Variants in ELF3 observed in about 807,000 individuals in gnomAD.
ELF3 encodes ETS-related transcription factor Elf-3.
ELF3 carries 18 observed loss-of-function variants against 43.9 expected under a neutral mutation model. The observed-to-expected ratio is 0.41, with a 90% CI of 0.28 to 0.61. The LOEUF is 0.61. Among genes scored for constraint, ELF3 ranks in the 20% least tolerant of loss-of-function variants. The pLI is 0.30. For synonymous variants in ELF3, 181 were observed against 190.2 expected, an observed-to-expected ratio of 0.95 and a Z score of 0.40; for missense variants, 373 against 487.7, an observed-to-expected ratio of 0.76 and a Z score of 2.21.
Position 202,012,441 on chromosome 1 carries a change from G to A in ELF3, c.478+5G>A. 6.2e-7 allele frequency: 1 copy of A among 1,613,566 alleles called. No individual in the cohort carries two copies. The highest frequency in any genetic ancestry group is 8.5e-7 in the Non-Finnish European group (1 of 1,179,746). On this transcript the variant is annotated splice_donor_5th_base_variant and intron_variant, in intron 4 of 8. Coordinates refer to ENST00000367284, the MANE Select transcript of ELF3 (RefSeq NM_004433.5). The surrounding 1 kb of genome is among the most constrained non-coding windows in gnomAD (Gnocchi z 4.2). ...CCCTAGACCCAGGGCCCTTTGGTGA[G>A]AACCCGTTTTCTCCTTCCTTCCCCA...
In ELF3 at chr1:202,013,647, C is replaced by G. The variant is rs113810465; in HGVS notation, c.806-182C>G. 3.6e-5 allele frequency: 25 copies of G among 699,490 alleles called. No homozygotes were observed. The highest frequency in any genetic ancestry group is 2.5e-4 in the African/African-American group (14 of 55,584). 43.3% of individuals were successfully genotyped at this position (699,490 alleles called of 1,614,324 possible). A position where few individuals can be genotyped will look rare whatever the true frequency, so the allele number is the denominator to read the frequency against. The stretch of plus-strand genomic sequence containing the variant: ...CAATGTGAGGAGGCAGCTGGTGGGT[C>G]TTAGGTGGGCTGAGGAGAAAAGCAG... On this transcript the variant is annotated intron_variant, in intron 7 of 8. Coordinates refer to ENST00000367284, the MANE Select transcript of ELF3 (RefSeq NM_004433.5). This position sits in a 1 kb window ranked among gnomAD's most constrained non-coding sequence, Gnocchi z 5.7.
rs1558274376 is a variant in ELF3 at position 202,013,713 on chromosome 1, G to A, written c.806-116G>A. On this transcript the variant is annotated intron_variant, in intron 7 of 8. Transcript: ENST00000367284. The surrounding 1 kb of genome is among the most constrained non-coding windows in gnomAD (Gnocchi z 5.7). Reference sequence around the variant, plus strand: ...CACAGAGGGCACTGCGGGGTCTCTGGAGAGGCTTGCTGCATGCTGTGGCCA... The same window carrying A: ...CACAGAGGGCACTGCGGGGTCTCTGAAGAGGCTTGCTGCATGCTGTGGCCA... 24 of 1,186,012 alleles carry A rather than the reference G, an allele frequency of 2.0e-5. No individual in the cohort carries two copies. In the South Asian group the frequency reaches 3.6e-4, roughly 18 times the overall value. The allele number at this position is 1,186,012 out of a possible 1,614,324, so 73.5% of individuals were successfully genotyped here.
rs1016490213 is a variant in ELF3 at position 202,012,722 on chromosome 1, A to G, written c.561A>G (p.Gly187=). The G allele has an allele frequency of 6.3e-6, 10 of 1,599,958 alleles. No homozygotes were observed. Among genetic ancestry groups the G allele is most frequent in the Non-Finnish European group, 8.5e-6 (10 of 1,173,496 alleles). ...SPYHPGSCGA[G]APSPGSSDVS... is the part of the protein sequence containing the mutation. Reference sequence around the variant, plus strand: ...ACCACCCCGGCAGCTGTGGCGCAGGAGCCCCCTCCCCTGGCAGCTCTGACG... The same window carrying G: ...ACCACCCCGGCAGCTGTGGCGCAGGGGCCCCCTCCCCTGGCAGCTCTGACG... The change falls in exon 5 of 9, where the codon GGA becomes GGG. Residue 187 remains glycine, a synonymous_variant. Transcript: ENST00000367284. This position sits in a 1 kb window ranked among gnomAD's most constrained non-coding sequence, Gnocchi z 4.2.
chr1:202,011,737 CGTG>C (rs1684201061), intron 2 of ELF3: 1 of 571,208 alleles, frequency 1.8e-6, no homozygotes, highest in South Asian at 2.3e-5. Context: ...TTTATCCCAG[CGTG>C]GTGGTGGGCA....
At position 202,015,428 on chromosome 1, in the gene ELF3, C is replaced by T. The variant is rs1684291643; in HGVS notation, c.*105C>T. 24 of 1,092,832 alleles carry T rather than the reference C, an allele frequency of 2.2e-5. No homozygotes were observed. The highest frequency in any genetic ancestry group is 3.1e-5 in the Non-Finnish European group (23 of 740,610). 67.7% of individuals were successfully genotyped at this position (1,092,832 alleles called of 1,614,324 possible). On this transcript the variant is annotated 3_prime_UTR_variant, in exon 9 of 9. Transcript: ENST00000367284. ...TGGCCCCTCCACTGGGGAATGCTCCCAGCTGTGCTGTGGAGAGAAGCTGAT... is the reference window on the plus strand; with the variant it reads ...TGGCCCCTCCACTGGGGAATGCTCCTAGCTGTGCTGTGGAGAGAAGCTGAT...
In ELF3 at chr1:202,012,813, C is replaced by T; in HGVS notation, c.598+54C>T. On this transcript the variant is annotated intron_variant, in intron 5 of 8. Coordinates refer to ENST00000367284, the MANE Select transcript of ELF3 (RefSeq NM_004433.5). This position sits in a 1 kb window ranked among gnomAD's most constrained non-coding sequence, Gnocchi z 4.2. ...CCTTCCCCGAAGTGTCCCTTGTTCC[C>T]TCTGGCTCCCAGCACCATAACTCAG... 1 of 1,537,288 alleles carries T rather than the reference C, an allele frequency of 6.5e-7. No homozygotes were observed. Among genetic ancestry groups the T allele is most frequent in the Admixed American group, 2.0e-5 (1 of 50,096 alleles).
rs765892835 is a variant in ELF3 at position 202,012,750 on chromosome 1, T to C, written c.589T>C (p.Ser197Pro). Reference sequence around the variant, plus strand: ...CCCCTCCCCTGGCAGCTCTGACGTCTCCACCGCAGGTGAGAGCTCTCTCTG... The same window carrying C: ...CCCCTCCCCTGGCAGCTCTGACGTCCCCACCGCAGGTGAGAGCTCTCTCTG... Reference protein sequence around the residue: ...GAPSPGSSDVSTAGTGASRSS... With the variant: ...GAPSPGSSDVPTAGTGASRSS... The change falls in exon 5 of 9, where the codon TCC becomes CCC. Residue 197 changes from serine to proline, a missense_variant. Around this residue, in one of 3 missense-constraint regions of ELF3, gnomAD observed 311 missense variants for 351.2 expected, o/e 0.89. Coordinates refer to ENST00000367284, the MANE Select transcript of ELF3 (RefSeq NM_004433.5). This position sits in a 1 kb window ranked among gnomAD's most constrained non-coding sequence, Gnocchi z 4.2. 9 of 1,568,304 alleles carry C rather than the reference T, an allele frequency of 5.7e-6. No homozygotes were observed. The highest frequency in any genetic ancestry group is 6.9e-6 in the Non-Finnish European group (8 of 1,158,834).
rs1175325307 is a variant in ELF3, at chr1:202,016,567, A to G, written c.*1244A>G. ...AAAATGGAGATGAGTACTTGCTGAGAAAGAATGAGGGAAGGAGTTGGCATT... is the reference window on the plus strand; with the variant it reads ...AAAATGGAGATGAGTACTTGCTGAGGAAGAATGAGGGAAGGAGTTGGCATT... On this transcript the variant is annotated 3_prime_UTR_variant, in exon 9 of 9. Coordinates refer to ENST00000367284, the MANE Select transcript of ELF3 (RefSeq NM_004433.5). 1 of 151,678 alleles carries G rather than the reference A, an allele frequency of 6.6e-6. No homozygotes were observed. Among genetic ancestry groups the G allele is most frequent in the African/African-American group, 2.4e-5 (1 of 41,334 alleles). 9.4% of individuals were successfully genotyped at this position (151,678 alleles called of 1,614,324 possible).
chr1:202,012,855 A>G lies in ELF3; in HGVS notation c.599-92A>G. ...ATAACTCAGGCCTTCTGGCAGGAAC[A>G]GGAACAGGCTGGGAAGTGTGTCCTG... On this transcript the variant is annotated intron_variant, in intron 5 of 8. Transcript: ENST00000367284. The surrounding 1 kb of genome is among the most constrained non-coding windows in gnomAD (Gnocchi z 4.2). 6.5e-7 allele frequency: 1 copy of G among 1,545,796 alleles called. No individual in the cohort carries two copies. Among genetic ancestry groups the G allele is most frequent in the Non-Finnish European group, 8.7e-7 (1 of 1,147,132 alleles).
At chr1:202,011,877 CA>C (rs1169377361) in intron 2 of ELF3, 79 bp from the exon 3 acceptor site, 173,710 of 1,178,142 alleles carry the variant, frequency 0.15, 1 homozygote, top group Non-Finnish European at 0.16. Flanking sequence ...GACTCCATCT[CA>C]AAAAAAAAAA....
Position 202,012,325 on chromosome 1 carries a change from T to C in ELF3, c.386-19T>C, listed in dbSNP as rs1402145046. The C allele has an allele frequency of 6.2e-7, 1 of 1,608,010 alleles. No homozygotes were observed. Among genetic ancestry groups the C allele is most frequent in the African/African-American group, 1.3e-5 (1 of 74,758 alleles). ...GGGAGGGATTAGGGGAGTGTGACCC[T>C]TCCTTCCTTCCTTGTCAGCTTCCAG... On this transcript the variant is annotated intron_variant, in intron 3 of 8. Coordinates refer to ENST00000367284, the MANE Select transcript of ELF3 (RefSeq NM_004433.5). This position sits in a 1 kb window ranked among gnomAD's most constrained non-coding sequence, Gnocchi z 4.2.
In ELF3 at chr1:202,013,947, C is replaced by T. The variant is rs200830851; in HGVS notation, c.924C>T (p.Ser308=). 6.0e-5 allele frequency: 97 copies of T among 1,613,952 alleles called. No individual in the cohort carries two copies. The highest frequency in any genetic ancestry group is 4.5e-4 in the East Asian group (20 of 44,868). Residue 308 remains serine (S), a synonymous_variant, in exon 8 of 9, where the codon TCC becomes TCT. Coordinates refer to ENST00000367284, the MANE Select transcript of ELF3 (RefSeq NM_004433.5). The surrounding 1 kb of genome is among the most constrained non-coding windows in gnomAD (Gnocchi z 5.7). Reference sequence around the variant, plus strand: ...AAGGCGTCTTCAAGTTCCTGCGCTCCGAGGCTGTGGCCCAACTATGGGGCC... The same window carrying T: ...AAGGCGTCTTCAAGTTCCTGCGCTCTGAGGCTGTGGCCCAACTATGGGGCC... ...RHEGVFKFLR[S]EAVAQLWGQK...
In ELF3 at chr1:202,015,320, C is replaced by A. The variant is rs773375572; in HGVS notation, c.1113C>A (p.Asn371Lys). 1 of 1,614,070 alleles carries A rather than the reference C, an allele frequency of 6.2e-7. No homozygotes were observed. Among genetic ancestry groups the A allele is most frequent in the East Asian group, 2.2e-5 (1 of 44,834 alleles). The stretch of plus-strand genomic sequence containing the variant: ...AGGAAGAGGTTCTCCAGAGTCGGAA[C>A]TGAGGGTTGGAACTATACCCGGGAC... ...WKEEEVLQSR[N>K] The change falls in exon 9 of 9, where the codon AAC becomes AAA. Residue 371 changes from asparagine (N) to lysine (K), a missense_variant. This residue lies in a region of ELF3 where 61 missense variants were observed against 115.9 expected (regional missense o/e 0.53). Coordinates refer to ENST00000367284, the MANE Select transcript of ELF3 (RefSeq NM_004433.5).
At position 202,012,487 on chromosome 1, in the gene ELF3, G is replaced by A. The variant is rs1684225552; in HGVS notation, c.478+51G>A. On this transcript the variant is annotated intron_variant, in intron 4 of 8. Transcript: ENST00000367284. The surrounding 1 kb of genome is among the most constrained non-coding windows in gnomAD (Gnocchi z 4.2). The stretch of plus-strand genomic sequence containing the variant: ...CCCCAGCCTGTCTTGTCCCATCCCT[G>A]CCCCTCCACAGAGTGCTAGAGATGA... The A allele has an allele frequency of 1.2e-6, 2 of 1,603,520 alleles. No homozygotes were observed. Among genetic ancestry groups the A allele is most frequent in the African/African-American group, 1.3e-5 (1 of 74,502 alleles).
intron 2 of ELF3, chr1:202,011,576 A>C: frequency 6.2e-6 from 3 of 485,508 alleles, no homozygotes; most frequent in Non-Finnish European, 7.2e-6. Context: ...GTGCTCCAGG[A>C]ATGGGGCTGT....
Position 202,010,877 on chromosome 1 carries a change from G to T in ELF3, c.-9+171G>T. ...AGATTGTCTCTGGGAAGGCAGAATG[G>T]CCATGACGCCGCTAGTCTGGCTCCA... On this transcript the variant is annotated intron_variant, in intron 1 of 8. Transcript: ENST00000367284. This position sits in a 1 kb window ranked among gnomAD's most constrained non-coding sequence, Gnocchi z 4.3. 2.0e-6 allele frequency: 1 copy of T among 491,656 alleles called. No homozygotes were observed. The highest frequency in any genetic ancestry group is 3.6e-6 in the Non-Finnish European group (1 of 274,606). 30.5% of individuals were successfully genotyped at this position (491,656 alleles called of 1,614,324 possible).
At chr1:202,014,168 C>G in intron 8 of ELF3, 144 bp downstream of exon 8, 3 of 987,252 alleles carry the variant, frequency 3.0e-6, no homozygotes. Context: ...GGTTGGTCTA[C>G]TTCATGGATT....
At chr1:202,011,472 G>A (rs765149579) in intron 2 of ELF3, 173 bp downstream of exon 2, 87 of 770,896 alleles carry the variant, frequency 1.1e-4, no homozygotes, top group Non-Finnish European at 1.6e-4. Flanking sequence ...ACAGGCAGAG[G>A]GAGGTGTCAG....
intron 2 of ELF3, 72 bp from the exon 3 acceptor site, chr1:202,011,877 CAAAAAAAA>C: frequency 8.2e-7 from 1 of 1,226,666 alleles, no homozygotes; most frequent in South Asian, 1.5e-5. Context: ...GACTCCATCT[CAAAAAAAA>C]AAAAAAAAAT....
Sources: gnomAD v4.1 joint callset for allele counts on GRCh38, gnomAD v4.1.1 for gene constraint, gnomAD v4.1.1 regional missense constraint, Gnocchi (gnomAD v3.1) non-coding constraint, MANE v1.5 for transcripts, NCBI Gene and HGNC (gene_info 2026-07-23, HGNC 2026-07-21) for gene names.